ADK: variants seen among roughly 807,000 people sequenced by gnomAD.
The protein encoded by ADK is N6,N6-dimethyladenosine kinase.
Under a neutral mutation model 44.7 loss-of-function variants are expected in ADK, and 24 were observed. That is an observed-to-expected ratio of 0.54 (90% confidence interval 0.39 to 0.76). ADK has a LOEUF of 0.76. Ranked by LOEUF, ADK falls within the 30% of genes least tolerant of loss-of-function variation. The pLI is 0.00. For missense variants in ADK, 321 were observed against 425.1 expected (o/e 0.76, Z 2.15); for synonymous variants, 128 against 142.6 (o/e 0.90, Z 0.73).
At chr10:74,235,604 C>T (rs1844929724) in intron 3 of ADK, among the ~76,000 whole-genome samples, 1 of 152,142 alleles carries the variant, frequency 6.6e-6, no homozygotes, top group African/African-American at 2.4e-5. Context: ...GCACCCTGCT[C>T]ACATATATGA....
chr10:74,701,230 G>A (rs1332020025), intron 10 of ADK, among the ~76,000 whole-genome samples: 1 of 152,144 alleles, frequency 6.6e-6, no homozygotes, highest in African/African-American at 2.4e-5. Flanking sequence ...CTGTGGAGAT[G>A]GACTAGAATT....
At chr10:74,303,011 G>A (rs949845890) in intron 3 of ADK, among the ~76,000 whole-genome samples, 1 of 152,118 alleles carries the variant, frequency 6.6e-6, no homozygotes, top group Admixed American at 6.6e-5. Context: ...ATATTGTTAT[G>A]AAACATACTT....
intron 2 of ADK, 149 bp downstream of exon 2, chr10:74,200,987 T>C: frequency 4.6e-6 from 3 of 650,932 alleles, no homozygotes; most frequent in South Asian, 3.6e-5. Context: ...TGTGCTATCA[T>C]TAACTATTGA....
At chr10:74,610,688 T>C (rs936416757) in intron 9 of ADK, among the ~76,000 whole-genome samples, 2 of 152,084 alleles carry the variant, frequency 1.3e-5, no homozygotes, top group African/African-American at 4.8e-5. Context: ...TCTTTATAAA[T>C]GTTGAATGAA....
chr10:74,589,358 G>GT (rs1851640532), intron 8 of ADK, 41 bp downstream of exon 8: 1 of 1,600,740 alleles, frequency 6.2e-7, no homozygotes, highest in Non-Finnish European at 8.6e-7. Flanking sequence ...GATCCTAAAG[G>GT]TTTTTTCTAG....
chr10:74,300,296 TTCC>T (rs1839973924), intron 3 of ADK, among the ~76,000 whole-genome samples: 1 of 83,770 alleles, frequency 1.2e-5, no homozygotes, highest in South Asian at 4.2e-4. Context: ...CCTTCCTTCC[TTCC>T]TTCCTTCCTT....
At chr10:74,269,264 A>G (rs1846334997) in intron 3 of ADK, among the ~76,000 whole-genome samples, 1 of 152,198 alleles carries the variant, frequency 6.6e-6, no homozygotes, top group Non-Finnish European at 1.5e-5. Context: ...TTAGTAACCT[A>G]CATTTCCAAT....
intron 6 of ADK, among the ~76,000 whole-genome samples, chr10:74,424,535 C>CAAAAAAAAAAAAAAAAAAAAA (rs57106986): frequency 1.0e-4 from 6 of 58,460 alleles, no homozygotes; most frequent in African/African-American, 4.4e-4. Context: ...AACTCCGTCT[C>CAAAAAAAAAAAAAAAAAAAAA]AAAAAAAAAA....
At chr10:74,607,926 T>C (rs1251588521) in intron 9 of ADK, among the ~76,000 whole-genome samples, 1 of 151,932 alleles carries the variant, frequency 6.6e-6, no homozygotes, top group Non-Finnish European at 1.5e-5. Flanking sequence ...GGTTTGTTAG[T>C]TCCTTTCCAT....
chr10:74,351,605 A>G (rs1329284490), intron 4 of ADK, among the ~76,000 whole-genome samples: 3 of 152,170 alleles, frequency 2.0e-5, no homozygotes, highest in Non-Finnish European at 2.9e-5. Flanking sequence ...GCGTATTTAA[A>G]TAGGAATAGA....
intron 4 of ADK, among the ~76,000 whole-genome samples, chr10:74,382,702 A>G (rs1843012589): frequency 6.6e-6 from 1 of 152,128 alleles, no homozygotes. Context: ...AAATTTTGGT[A>G]AATAGCTTTG....
chr10:74,574,100 G>A lies in ADK; in HGVS notation c.727-15182G>A, dbSNP rs147328316. Among the ~76,000 whole-genome samples, 168 of 151,782 alleles carry A rather than the reference G, an allele frequency of 1.1e-3. 1 individual carries two copies. In the East Asian group the frequency reaches 0.024, roughly 21 times the overall value. ...GCAGAAATCACACGTTTTCTGCGTC[G>A]CTCACACTGGGAGCTGTAGACTGGA... On this transcript the variant is annotated intron_variant, in intron 7 of 10. Transcript: ENST00000539909.
chr10:74,596,870 T>A (rs1229915793), intron 8 of ADK, among the ~76,000 whole-genome samples: 1 of 152,194 alleles, frequency 6.6e-6, no homozygotes, highest in Non-Finnish European at 1.5e-5. Context: ...TAGAGCTTTA[T>A]ACATGGCTTT....
chr10:74,674,889 T>A (rs1291493924), intron 10 of ADK, among the ~76,000 whole-genome samples: 1 of 151,224 alleles, frequency 6.6e-6, no homozygotes, highest in Non-Finnish European at 1.5e-5. Context: ...CTCAAAAAAA[T>A]TAATTAATTA....
intron 1 of ADK, among the ~76,000 whole-genome samples, chr10:74,153,670 T>C (rs1478762090): frequency 6.6e-6 from 1 of 152,228 alleles, no homozygotes; most frequent in African/African-American, 2.4e-5. Context: ...CAATGATTCC[T>C]GTGTTACAGA....
chr10:74,536,550 T>A (rs2133701811), intron 7 of ADK, among the ~76,000 whole-genome samples: 1 of 151,888 alleles, frequency 6.6e-6, no homozygotes, highest in Admixed American at 6.6e-5. Context: ...TCAGTGGCAT[T>A]AAGTACATTT....
chr10:74,464,163 T>C (rs907567895), intron 6 of ADK, among the ~76,000 whole-genome samples: 4 of 152,058 alleles, frequency 2.6e-5, no homozygotes, highest in African/African-American at 9.7e-5. Flanking sequence ...ACCGTATACA[T>C]GATACTCAAC....
At chr10:74,184,532 TG>T in intron 1 of ADK, among the ~76,000 whole-genome samples, 1 of 148,560 alleles carries the variant, frequency 6.7e-6, no homozygotes, top group Admixed American at 6.7e-5. Context: ...TGTGTGTGTG[TG>T]TGTGTGTGTG....
intron 9 of ADK, among the ~76,000 whole-genome samples, chr10:74,640,361 G>A (rs1853797681): frequency 6.6e-6 from 1 of 152,218 alleles, no homozygotes; most frequent in Non-Finnish European, 1.5e-5. Flanking sequence ...ACCATATGTG[G>A]CTTTTAAGAG....
Sources: gnomAD v4.1 joint callset for allele counts (sites outside exome capture counted in the v4.1 genomes callset) on GRCh38, gnomAD v4.1.1 for gene constraint, MANE v1.5 for transcripts, NCBI Gene and HGNC (gene_info 2026-07-23, HGNC 2026-07-21) for gene names.